The following CPA6 variants were observed in gnomAD, a reference collection of about 807,000 sequenced individuals.
The protein encoded by CPA6 is carboxypeptidase A6.
A neutral mutation model predicts 63.3 loss-of-function variants in CPA6; 58 were observed. The ratio of observed to expected loss-of-function variants is 0.92; its 90% CI spans 0.74 to 1.14. CPA6 has a LOEUF of 1.14. Ranked by LOEUF, CPA6 falls within the 50% of genes most tolerant of loss-of-function variation. The pLI is 0.00. For missense variants in CPA6, 565 were observed against 526.6 expected, an observed-to-expected ratio of 1.07 and a Z score of -0.71; for synonymous variants, 185 against 179.0, an observed-to-expected ratio of 1.03 and a Z score of -0.27.
chr8:67,681,501 G>T (rs185085319), intron 1 of CPA6, among the ~76,000 whole-genome samples: 454 of 152,114 alleles, frequency 3.0e-3, no homozygotes, highest in Non-Finnish European at 4.4e-3. Context: ...GAGCCACCGC[G>T]CCCGGCCAAA....
chr8:67,466,105 G>A (rs769735645), intron 8 of CPA6, among the ~76,000 whole-genome samples: 5 of 132,896 alleles, frequency 3.8e-5, no homozygotes, highest in Non-Finnish European at 6.2e-5. Flanking sequence ...TTTTTTTTTG[G>A]TAGGTTTTTA....
chr8:67,475,863 C>CTCT (rs1563967819), intron 8 of CPA6, among the ~76,000 whole-genome samples: 6 of 80,694 alleles, frequency 7.4e-5, no homozygotes, highest in South Asian at 4.5e-4. Context: ...TTCTTTCTTT[C>CTCT]TTTCTTTCTT....
intron 1 of CPA6, among the ~76,000 whole-genome samples, chr8:67,634,818 G>A (rs754853626): frequency 6.6e-6 from 1 of 151,576 alleles, no homozygotes; most frequent in Admixed American, 6.6e-5. Context: ...GTGAGATATC[G>A]TCTGGGAAAT....
intron 1 of CPA6, among the ~76,000 whole-genome samples, chr8:67,637,883 G>A (rs1815505758): frequency 6.6e-6 from 1 of 151,312 alleles, no homozygotes; most frequent in Non-Finnish European, 1.5e-5. Flanking sequence ...TAGAGCATAT[G>A]TAAGATTCAC....
rs61317091 is a variant in CPA6, at chr8:67,448,639, G to GAAAAA, written c.839-14404_839-14400dup. Among the ~76,000 whole-genome samples the GAAAAA allele has an allele frequency of 1.7e-3, 40 of 23,302 alleles. 4 individuals are homozygous for GAAAAA. The highest frequency in any genetic ancestry group is 0.025 in the Middle Eastern group (1 of 40). 15.3% of individuals were successfully genotyped at this position (23,302 alleles called of 152,430 possible). A position where few individuals can be genotyped will look rare whatever the true frequency, so the allele number is the denominator to read the frequency against. On this transcript the variant is annotated intron_variant, in intron 8 of 10. Coordinates refer to ENST00000297770, the MANE Select transcript of CPA6 (RefSeq NM_020361.5). ...AGAGTGAGACCCTATCTCAAAAAAG[G>GAAAAA]AAAAAAAAAAAAAAAGGAAAGAACG...
intron 1 of CPA6, among the ~76,000 whole-genome samples, chr8:67,630,734 C>T (rs972747213): frequency 2.6e-5 from 4 of 152,176 alleles, no homozygotes; most frequent in African/African-American, 9.6e-5. Context: ...GGGAGAGGCA[C>T]GGGCAGGAAC....
At chr8:67,610,343 A>G (rs1007591042) in intron 2 of CPA6, among the ~76,000 whole-genome samples, 1 of 152,072 alleles carries the variant, frequency 6.6e-6, no homozygotes, top group African/African-American at 2.4e-5. Context: ...TCCAGACTCC[A>G]GCTTGGGTGA....
At chr8:67,507,999 T>TG (rs1811965673) in intron 5 of CPA6, among the ~76,000 whole-genome samples, 2 of 142,296 alleles carry the variant, frequency 1.4e-5, no homozygotes, top group South Asian at 2.3e-4. Context: ...ATGGGGTGCT[T>TG]TGTGTGTGTG....
At chr8:67,474,035 C>A (rs1811120809) in intron 8 of CPA6, among the ~76,000 whole-genome samples, 1 of 152,108 alleles carries the variant, frequency 6.6e-6, no homozygotes, top group Admixed American at 6.5e-5. Context: ...AGAAGGTGAG[C>A]TGCTTTGAAT....
chr8:67,591,145 C>A (rs558158664), intron 2 of CPA6, among the ~76,000 whole-genome samples: 1 of 152,248 alleles, frequency 6.6e-6, no homozygotes, highest in East Asian at 1.9e-4. Context: ...AATAAGGAAT[C>A]CTTTCCCCAT....
chr8:67,630,083 C>T (rs1260208665), intron 1 of CPA6, among the ~76,000 whole-genome samples: 7 of 149,750 alleles, frequency 4.7e-5, no homozygotes, highest in South Asian at 2.1e-4. Context: ...CCAGTCCGGG[C>T]GACAGAGTGA....
chr8:67,728,091 AC>A (rs1257265772), intron 1 of CPA6, among the ~76,000 whole-genome samples: 8 of 145,244 alleles, frequency 5.5e-5, no homozygotes, highest in East Asian at 2.0e-4. Context: ...AAAAAAAAAA[AC>A]AAAAAAAACC....
At chr8:67,518,512 T>TC (rs1812196294) in intron 2 of CPA6, among the ~76,000 whole-genome samples, 2 of 147,222 alleles carry the variant, frequency 1.4e-5, no homozygotes, top group Admixed American at 6.7e-5. Flanking sequence ...TTCTTTTCTT[T>TC]TTTTTTTTTT....
intron 1 of CPA6, among the ~76,000 whole-genome samples, chr8:67,730,308 A>C (rs968319335): frequency 6.6e-6 from 1 of 152,222 alleles, no homozygotes. Flanking sequence ...TTATTATAAA[A>C]GATACAGATA....
intron 2 of CPA6, among the ~76,000 whole-genome samples, chr8:67,589,544 T>G (rs1227771646): frequency 1.3e-5 from 2 of 152,188 alleles, no homozygotes; most frequent in African/African-American, 4.8e-5. Flanking sequence ...AAACTTCAAA[T>G]GTATCTAATT....
chr8:67,642,384 CA>C (rs1815613183), intron 1 of CPA6, among the ~76,000 whole-genome samples: 1 of 151,884 alleles, frequency 6.6e-6, no homozygotes, highest in African/African-American at 2.4e-5. Context: ...ACCATATTCA[CA>C]TATTAGAAAA....
chr8:67,649,896 T>C (rs529719512), intron 1 of CPA6, among the ~76,000 whole-genome samples: 16 of 152,230 alleles, frequency 1.1e-4, no homozygotes, highest in African/African-American at 3.6e-4. Context: ...AGTGACAACA[T>C]TGCAAGCAGC....
intron 8 of CPA6, among the ~76,000 whole-genome samples, chr8:67,438,427 T>C (rs750945981): frequency 6.6e-6 from 1 of 152,238 alleles, no homozygotes; most frequent in Non-Finnish European, 1.5e-5. Context: ...CTATATCCAA[T>C]GTTTTTATTA....
At position 67,477,690 on chromosome 8, in the gene CPA6, C is replaced by T. The variant is rs367795898; in HGVS notation, c.838+6078G>A. ...TTGACCAGTTAGTTGATGTTTAGTA[C>T]GCATCAACACGTCATTCTCAGCCAG... On this transcript the variant is annotated intron_variant, in intron 8 of 10. Transcript: ENST00000297770. Among the ~76,000 whole-genome samples, 15 of 152,268 alleles carry T rather than the reference C, an allele frequency of 9.9e-5. No homozygotes were observed. The South Asian group carries it at 2.7e-3, about 27-fold the overall frequency.
Sources: gnomAD v4.1 joint callset for allele counts (sites outside exome capture counted in the v4.1 genomes callset) on GRCh38, gnomAD v4.1.1 for gene constraint, MANE v1.5 for transcripts, NCBI Gene and HGNC (gene_info 2026-07-23, HGNC 2026-07-21) for gene names.